Variants in MAP3K15 observed in about 807,000 individuals in gnomAD.
MAP3K15 encodes mitogen-activated protein kinase kinase kinase 15, also known as MAPK/ERK kinase kinase 15.
In MAP3K15, 124 loss-of-function variants were observed where a neutral mutation model predicts 99.5. The observed-to-expected ratio is 1.25, with a 90% confidence interval of 1.08 to 1.45. MAP3K15 has a LOEUF of 1.45. MAP3K15 is among the 40% of genes most tolerant of loss of function. MAP3K15 has a pLI of 0.00. For synonymous variants in MAP3K15, 494 were observed against 439.6 expected, an observed-to-expected ratio of 1.12 and a Z score of -1.55; for missense variants, 1,242 against 1,079.7, an observed-to-expected ratio of 1.15 and a Z score of -2.11.
chrX:19,373,233 G>T, intron 21 of MAP3K15: 1 of 241,429 alleles, frequency 4.1e-6, no homozygotes, highest in Non-Finnish European at 7.1e-6. Flanking sequence ...GCAAGGGTGA[G>T]GGGGAGAGAG....
intron 3 of MAP3K15, among the ~76,000 whole-genome samples, chrX:19,485,499 C>A (rs1006181797): frequency 9.2e-6 from 1 of 109,285 alleles, no homozygotes; most frequent in Non-Finnish European, 1.9e-5. Flanking sequence ...ATTCATGCTC[C>A]AATAGTAATC....
chrX:19,465,953 G>A (rs762740350), intron 3 of MAP3K15, among the ~76,000 whole-genome samples: 1 of 108,487 alleles, frequency 9.2e-6, no homozygotes, highest in Non-Finnish European at 1.9e-5. Context: ...TGTTCCCTGT[G>A]GCACTTTTTT....
intron 5 of MAP3K15, among the ~76,000 whole-genome samples, chrX:19,457,442 T>C (rs1382477739): frequency 9.0e-6 from 1 of 110,723 alleles, no homozygotes; most frequent in Admixed American, 9.7e-5. Context: ...TGAAACCCTG[T>C]CTCTACTAAA....
At chrX:19,455,497 C>A (rs2064085957) in intron 6 of MAP3K15, among the ~76,000 whole-genome samples, 1 of 102,841 alleles carries the variant, frequency 9.7e-6, no homozygotes, top group Non-Finnish European at 2.0e-5. Context: ...CAAGCACAAG[C>A]CATCATGCCT....
intron 15 of MAP3K15, 126 bp from the exon 16 acceptor site, chrX:19,395,334 C>T: frequency 1.5e-6 from 1 of 687,014 alleles, no homozygotes; most frequent in Non-Finnish European, 2.2e-6. Flanking sequence ...TTTTCTCTGG[C>T]TTCCATGAAA....
At position 19,361,565 on chromosome X, in the gene MAP3K15, G is replaced by T. The variant is rs372102191; in HGVS notation, c.3708C>A (p.Tyr1236Ter). ...TAAGCTCTTTATCTGTTCTCTGCCC[G>T]TAGGGGCCTGCTGGGTTCTCTGTAA... ...NCITENPAGPYGQRTDKELID... is the reference protein window; with the variant it reads ...NCITENPAGP The change falls in exon 27 of 29, where the codon TAC becomes TAA. Residue 1236 changes from tyrosine (Y) to a stop codon, truncating the protein, a stop_gained. Coordinates refer to ENST00000338883, the MANE Select transcript of MAP3K15 (RefSeq NM_001001671.4). LOFTEE classifies it high-confidence loss of function. 67 of 1,207,618 alleles carry T rather than the reference G, an allele frequency of 5.5e-5. No homozygotes were observed. The highest frequency in any genetic ancestry group is 7.3e-5 in the Non-Finnish European group (65 of 892,812).
At chrX:19,368,213 G>A (rs768230364) in intron 25 of MAP3K15, among the ~76,000 whole-genome samples, 1 of 111,645 alleles carries the variant, frequency 9.0e-6, no homozygotes, top group Non-Finnish European at 1.9e-5. Flanking sequence ...CACGATCTCA[G>A]CTCACTGCAA....
intron 3 of MAP3K15, among the ~76,000 whole-genome samples, chrX:19,486,258 C>T (rs1444444914): frequency 9.0e-6 from 1 of 111,632 alleles, no homozygotes; most frequent in African/African-American, 3.3e-5. Context: ...CACTTTCTTG[C>T]CTGGCCTTGC....
intron 1 of MAP3K15, among the ~76,000 whole-genome samples, chrX:19,508,800 C>T (rs1261213434): frequency 4.5e-5 from 5 of 110,649 alleles, no homozygotes; most frequent in Non-Finnish European, 3.8e-5. Context: ...AGGAGGATTG[C>T]TCAAGTGTGG....
intron 19 of MAP3K15, among the ~76,000 whole-genome samples, chrX:19,377,302 C>T (rs1302445953): frequency 2.7e-5 from 3 of 112,270 alleles, no homozygotes; most frequent in African/African-American, 6.5e-5. Flanking sequence ...GCCTGTTATC[C>T]CAGCACTTTG....
intron 6 of MAP3K15, among the ~76,000 whole-genome samples, chrX:19,452,393 A>G (rs1282310815): frequency 5.2e-4 from 2 of 3,826 alleles, no homozygotes; most frequent in Admixed American, 5.4e-3. Flanking sequence ...GAAAAGAGAA[A>G]AGAAAAGAAA....
chrX:19,382,145 C>T (rs897065587), intron 18 of MAP3K15, among the ~76,000 whole-genome samples: 11 of 104,289 alleles, frequency 1.1e-4, no homozygotes, highest in African/African-American at 3.2e-4. Flanking sequence ...CCCAGCTACT[C>T]GGGAGGCTGA....
chrX:19,463,233 TAA>T (rs2064143978), intron 4 of MAP3K15, among the ~76,000 whole-genome samples: 2 of 111,920 alleles, frequency 1.8e-5, no homozygotes, highest in Admixed American at 1.9e-4. Flanking sequence ...CCTTTTCCAT[TAA>T]AGTCTGTAGA....
chrX:19,464,335 A>T lies in MAP3K15; in HGVS notation c.597T>A (p.Ser199Arg), dbSNP rs1410458823. ...ACTCGGAGGCTCGTCTCTGGGCATC[A>T]CTCTCGCAGCAAAAATAATCAGCGC... ...TPCADYFCCE[S>R]DAQRRASEYM... The change falls in exon 4 of 29, where the codon AGT (serine) becomes AGA (arginine). Residue 199 changes from serine (S) to arginine (R), a missense_variant. Ser to Arg is a moderately radical substitution (Grantham distance 110, BLOSUM62 -1). Transcript: ENST00000338883. The T allele has an allele frequency of 8.3e-7, 1 of 1,198,528 alleles. No homozygotes were observed. The highest frequency in any genetic ancestry group is 1.8e-5 in the South Asian group (1 of 56,835).
At chrX:19,379,091 C>G (rs941775986) in intron 19 of MAP3K15, among the ~76,000 whole-genome samples, 1 of 110,770 alleles carries the variant, frequency 9.0e-6, no homozygotes, top group Non-Finnish European at 1.9e-5. Context: ...GACCCTCCCC[C>G]ACCCTGCCCA....
intron 13 of MAP3K15, among the ~76,000 whole-genome samples, chrX:19,403,673 G>T (rs747083072): frequency 9.6e-6 from 1 of 104,547 alleles, no homozygotes; most frequent in Non-Finnish European, 2.0e-5. Context: ...TTACCATGTC[G>T]CCCAGGCTGG....
chrX:19,377,756 G>A (rs929274550), intron 19 of MAP3K15, among the ~76,000 whole-genome samples: 10 of 111,603 alleles, frequency 9.0e-5, no homozygotes, highest in African/African-American at 3.3e-4. Context: ...TTATTCCAAC[G>A]CTGCCATGGA....
rs1160075566 is a variant in MAP3K15 at position 19,474,544 on chromosome X, G to GC, written c.526-10139_526-10138insG. ...TGAGATCCAGTCATTCTTGGAGGTT[G>GC]GGGGGGGGGGTCTGTGAACTTGAAA... On this transcript the variant is annotated intron_variant, in intron 3 of 28. Transcript: ENST00000338883. Among the ~76,000 whole-genome samples the GC allele has an allele frequency of 2.1e-4, 20 of 96,184 alleles. 1 individual carries two copies. The East Asian group carries it at 2.8e-3, about 14-fold the overall frequency. The allele number at this position is 96,184 out of a possible 115,157, so 83.5% of individuals were successfully genotyped here.
intron 9 of MAP3K15, among the ~76,000 whole-genome samples, chrX:19,420,380 A>C (rs2063773248): frequency 8.9e-6 from 1 of 111,937 alleles, no homozygotes; most frequent in African/African-American, 3.3e-5. Flanking sequence ...ACAGAAATAC[A>C]AACTACCATC....
Sources: gnomAD v4.1 joint callset for allele counts (sites outside exome capture counted in the v4.1 genomes callset) on GRCh38, gnomAD v4.1.1 for gene constraint, MANE v1.5 for transcripts, NCBI Gene and HGNC (gene_info 2026-07-23, HGNC 2026-07-21) for gene names.